The following CDH23 variants were observed in gnomAD, a reference collection of about 807,000 sequenced individuals.
The protein encoded by CDH23 is cadherin related 23.
CDH23 carries 189 observed loss-of-function variants against 317.1 expected under a neutral mutation model. That is an observed-to-expected ratio of 0.60 (90% CI 0.53 to 0.67). The LOEUF (loss-of-function observed/expected upper bound fraction) is 0.67. CDH23 is among the 30% of genes least tolerant of loss of function. CDH23 has a pLI of 0.00. For synonymous variants in CDH23, 1,839 were observed against 1,876.8 expected (o/e 0.98, Z 0.52); for missense variants, 4,401 against 4,592.4 (o/e 0.96, Z 1.20).
chr10:71,715,671 C>T (rs1428395303), intron 28 of CDH23: 2 of 336,352 alleles, frequency 5.9e-6, no homozygotes, highest in African/African-American at 4.2e-5. Context: ...AGGCCAAAGG[C>T]CCAGATGACC....
rs1865636327 is a variant in CDH23, at chr10:71,702,674, G to A, written c.2713G>A (p.Ala905Thr). ...FVAEVLEGIP[A>T]GVSIYQVVAI... The stretch of plus-strand genomic sequence containing the variant: ...GGCCGAGGTGCTTGAAGGCATCCCG[G>A]CGGGGGTCTCCATCTACCAAGTGAG... Residue 905 changes from alanine to threonine, a missense_variant, in exon 24 of 70, where the codon GCG becomes ACG. Ala to Thr is a moderately conservative substitution (Grantham distance 58). Transcript: ENST00000224721. 6.2e-7 allele frequency: 1 copy of A among 1,613,810 alleles called. No individual in the cohort carries two copies. The highest frequency in any genetic ancestry group is 8.5e-7 in the Non-Finnish European group (1 of 1,179,888).
rs1841497674 is a variant in CDH23 at position 71,799,525 on chromosome 10, A to G, written c.7258A>G (p.Ile2420Val). ...CTTTGAGGATGTGCCTGTGGGCACA[A>G]TCATCCTGACAGTCACTGCCACTGA... The part of the protein sequence containing the change: ...AVFEDVPVGT[I>V]ILTVTATDAD... Residue 2420 changes from isoleucine (I) to valine (V), a missense_variant, in exon 52 of 70, where the codon ATC (isoleucine) becomes GTC (valine). Physicochemically the swap from Ile to Val is conservative, Grantham distance 29. This residue lies in a region of CDH23 where 189 missense variants were observed against 250.9 expected (regional missense o/e 0.75). Transcript: ENST00000224721. The G allele has an allele frequency of 6.2e-7, 1 of 1,614,042 alleles. No individual in the cohort carries two copies. Among genetic ancestry groups the G allele is most frequent in the African/African-American group, 1.3e-5 (1 of 75,052 alleles).
intron 28 of CDH23, among the ~76,000 whole-genome samples, chr10:71,723,415 A>C (rs138057666): frequency 0.023 from 3,506 of 152,054 alleles, 141 homozygotes; most frequent in African/African-American, 0.081. Context: ...GTCCCCCCCC[A>C]CACACAAGCC....
At chr10:71,517,968 G>T (rs1286715044) in intron 6 of CDH23, among the ~76,000 whole-genome samples, 1 of 152,160 alleles carries the variant, frequency 6.6e-6, no homozygotes, top group African/African-American at 2.4e-5. Flanking sequence ...CATCGCCTGC[G>T]GCAGCCAGGA....
At chr10:71,619,763 G>A (rs1172881503) in intron 11 of CDH23, among the ~76,000 whole-genome samples, 4 of 152,108 alleles carry the variant, frequency 2.6e-5, no homozygotes, top group Non-Finnish European at 5.9e-5. Flanking sequence ...GGTCTCAGAG[G>A]GCCTCAAATG....
At chr10:71,627,306 G>C (rs932621522) in intron 11 of CDH23, among the ~76,000 whole-genome samples, 5 of 152,192 alleles carry the variant, frequency 3.3e-5, no homozygotes, top group African/African-American at 1.2e-4. Flanking sequence ...TAGAGGGAGC[G>C]GACAGCCCAG....
intron 6 of CDH23, among the ~76,000 whole-genome samples, chr10:71,546,789 A>G (rs566046229): frequency 6.6e-6 from 1 of 152,332 alleles, no homozygotes; most frequent in African/African-American, 2.4e-5. Context: ...ACACCTCCTG[A>G]CATGAAGATG....
chr10:71,741,222 T>C (rs1839723423), intron 37 of CDH23, among the ~76,000 whole-genome samples: 1 of 152,214 alleles, frequency 6.6e-6, no homozygotes. Context: ...GGGAGCTTGC[T>C]TTTTTAAAAA....
intron 9 of CDH23, among the ~76,000 whole-genome samples, chr10:71,610,513 T>G (rs1860811001): frequency 6.6e-6 from 1 of 152,242 alleles, no homozygotes; most frequent in Admixed American, 6.5e-5. Flanking sequence ...CCATGTGACC[T>G]TAGGCAAGTT....
Position 71,516,424 on chromosome 10 carries a change from C to T in CDH23, c.429+5212C>T, listed in dbSNP as rs1854335536. Among the ~76,000 whole-genome samples the T allele has an allele frequency of 2.0e-5, 3 of 152,228 alleles. No individual in the cohort carries two copies. The South Asian group carries it at 6.2e-4, about 32-fold the overall frequency. On this transcript the variant is annotated intron_variant, in intron 6 of 69. Transcript: ENST00000224721. Reference sequence around the variant, plus strand: ...GCCTCCTGGCCCTGGGCCCCACTAACCTGAACCACCTCTCCATGTCCCTTA... The same window carrying T: ...GCCTCCTGGCCCTGGGCCCCACTAATCTGAACCACCTCTCCATGTCCCTTA...
intron 11 of CDH23, among the ~76,000 whole-genome samples, chr10:71,625,264 G>A (rs1225615125): frequency 1.3e-5 from 2 of 151,498 alleles, no homozygotes; most frequent in South Asian, 2.1e-4. Flanking sequence ...CAGAGTGAAC[G>A]GGGACACATC....
rs114071823 is a variant in CDH23 at position 71,434,928 on chromosome 10, A to G, written c.-5-4899A>G. On this transcript the variant is annotated intron_variant, in intron 1 of 69. Transcript: ENST00000224721. ...CCCAGCCATCTGCCTTCTTCTTGGC[A>G]TGTGCAGCTTACCTCCTGCTGGCCC... 3.1e-3 allele frequency among the ~76,000 whole-genome samples: 465 copies of G among 152,212 alleles called. 1 individual carries two copies. Among genetic ancestry groups the G allele is most frequent in the African/African-American group, 0.011 (455 of 41,530 alleles).
intron 38 of CDH23, among the ~76,000 whole-genome samples, chr10:71,754,378 G>A (rs575731875): frequency 7.2e-5 from 11 of 152,134 alleles, no homozygotes; most frequent in African/African-American, 2.4e-4. Context: ...GTTAAGGGCC[G>A]GCCACAGGAA....
At chr10:71,668,676 G>A (rs1483819683) in intron 14 of CDH23, among the ~76,000 whole-genome samples, 1 of 152,206 alleles carries the variant, frequency 6.6e-6, no homozygotes, top group Non-Finnish European at 1.5e-5. Flanking sequence ...ACATAGTTAA[G>A]TGCTCAAAAC....
chr10:71,690,144 A>G (rs920473272), intron 19 of CDH23, among the ~76,000 whole-genome samples: 24 of 152,152 alleles, frequency 1.6e-4, no homozygotes, highest in South Asian at 2.1e-4. Flanking sequence ...CAGTTGGCCA[A>G]TCTGAGTGTA....
Position 71,510,965 on chromosome 10 carries a change from G to A in CDH23, c.300G>A (p.Glu100=), listed in dbSNP as rs1268687565. 6.2e-7 allele frequency: 1 copy of A among 1,613,930 alleles called. No homozygotes were observed. Among genetic ancestry groups the A allele is most frequent in the South Asian group, 1.1e-5 (1 of 91,080 alleles). Residue 100 remains glutamate (E), a synonymous_variant, in exon 5 of 70, where the codon GAG becomes GAA. Coordinates refer to ENST00000224721, the MANE Select transcript of CDH23 (RefSeq NM_022124.6). Reference sequence around the variant, plus strand: ...CACTTTTCTTTCAGACCAAGTCAGAGTTCACCGTGGAGTTCTCTGTCAGCG... The same window carrying A: ...CACTTTTCTTTCAGACCAAGTCAGAATTCACCGTGGAGTTCTCTGTCAGCG... ...RQPLDRETKS[E]FTVEFSVSDH... is the part of the protein sequence containing the mutation.
chr10:71,431,288 G>A (rs1347604724), intron 1 of CDH23, among the ~76,000 whole-genome samples: 7 of 152,210 alleles, frequency 4.6e-5, no homozygotes, highest in Non-Finnish European at 4.4e-5. Flanking sequence ...CCACCCTGGG[G>A]GTCTCAGGTC....
intron 1 of CDH23, among the ~76,000 whole-genome samples, chr10:71,416,208 A>G (rs1238685508): frequency 6.6e-6 from 1 of 152,142 alleles, no homozygotes; most frequent in Non-Finnish European, 1.5e-5. Context: ...TATTTTTAGT[A>G]GAGAAGTGGT....
intron 14 of CDH23, among the ~76,000 whole-genome samples, chr10:71,673,474 C>A (rs1357101983): frequency 6.6e-6 from 1 of 152,248 alleles, no homozygotes; most frequent in Non-Finnish European, 1.5e-5. Context: ...ATTCCTCCTG[C>A]TCCCCTTCTC....
Sources: gnomAD v4.1 joint callset for allele counts (sites outside exome capture counted in the v4.1 genomes callset) on GRCh38, gnomAD v4.1.1 for gene constraint, gnomAD v4.1.1 regional missense constraint, MANE v1.5 for transcripts, NCBI Gene and HGNC (gene_info 2026-07-23, HGNC 2026-07-21) for gene names.